The following ADAMTSL1 variants were observed in gnomAD, a reference collection of about 807,000 sequenced individuals.
ADAMTSL1 encodes ADAMTS like 1, also known as ADAMTS-like protein 1.
A neutral mutation model predicts 201.8 loss-of-function variants in ADAMTSL1; 126 were observed. The ratio of observed to expected loss-of-function variants is 0.62; its 90% CI spans 0.54 to 0.72. The LOEUF (loss-of-function observed/expected upper bound fraction) is 0.72, where lower values mean the gene tolerates loss of function less well. Ranked by LOEUF, ADAMTSL1 falls within the 30% of genes least tolerant of loss-of-function variation. ADAMTSL1 has a pLI of 0.00. For synonymous variants in ADAMTSL1, 1,121 were observed against 903.4 expected (o/e 1.24, Z -4.32); for missense variants, 2,679 against 2,277.8 (o/e 1.18, Z -3.59).
chr9:18,467,973 C>G (rs1426333092), intron 2 of ADAMTSL1, among the ~76,000 whole-genome samples: 1 of 152,186 alleles, frequency 6.6e-6, no homozygotes, highest in African/African-American at 2.4e-5. Context: ...GGAAATAGAA[C>G]TGAACTAGGA....
At chr9:18,720,722 G>A (rs1346940867) in intron 14 of ADAMTSL1, among the ~76,000 whole-genome samples, 1 of 152,188 alleles carries the variant, frequency 6.6e-6, no homozygotes, top group Non-Finnish European at 1.5e-5. Flanking sequence ...GGCAGAGGTT[G>A]CAGTGAGCTG....
At chr9:18,633,233 C>T (rs1826886602) in intron 5 of ADAMTSL1, among the ~76,000 whole-genome samples, 1 of 152,154 alleles carries the variant, frequency 6.6e-6, no homozygotes, top group African/African-American at 2.4e-5. Flanking sequence ...ATTGTTTTAA[C>T]TGCTTTGAGT....
At position 18,580,960 on chromosome 9, in the gene ADAMTSL1, A is replaced by ATT. The variant is rs137968583; in HGVS notation, c.474+6703_474+6704dup. ...CATCTGCTTGAATCATTTCAATTGC[A>ATT]TTTTTTTTTTGCCTTCAGGTTAAAA... On this transcript the variant is annotated intron_variant, in intron 4 of 28. Coordinates refer to ENST00000380548, the MANE Select transcript of ADAMTSL1 (RefSeq NM_001040272.6). 1.9e-3 allele frequency among the ~76,000 whole-genome samples: 285 copies of ATT among 147,544 alleles called. 11 individuals carry two copies. In the South Asian group the frequency reaches 0.04, roughly 21 times the overall value.
intron 14 of ADAMTSL1, among the ~76,000 whole-genome samples, chr9:18,708,432 C>T (rs766521493): frequency 9.3e-4 from 141 of 152,284 alleles, no homozygotes; most frequent in Non-Finnish European, 6.8e-4. Flanking sequence ...CAAATGATTC[C>T]GGAAGACAGT....
rs531786552 is a variant in ADAMTSL1 at position 18,910,716 on chromosome 9, T to G, written c.*2168T>G. 1.2e-4 allele frequency: 18 copies of G among 152,338 alleles called. No individual in the cohort carries two copies. The highest frequency in any genetic ancestry group is 4.3e-4 in the African/African-American group (18 of 41,564). The allele number at this position is 152,338 out of a possible 1,614,324, so 9.4% of individuals were successfully genotyped here. A position where few individuals can be genotyped will look rare whatever the true frequency, so the allele number is the denominator to read the frequency against. ...AAGCATCCTCCAGCTCCATGTTGGG[T>G]TGGAGCAGTTGGCAGTGGGTCTCAG... is the stretch of plus-strand genomic sequence containing the variant. On this transcript the variant is annotated 3_prime_UTR_variant, in exon 29 of 29. Transcript: ENST00000380548.
intron 17 of ADAMTSL1, among the ~76,000 whole-genome samples, chr9:18,771,449 C>T (rs370472675): frequency 1.3e-5 from 2 of 152,186 alleles, no homozygotes; most frequent in East Asian, 1.9e-4. Flanking sequence ...CTAATTCTAG[C>T]GTACGCCAAT....
chr9:18,173,170 T>G lies in ADAMTSL1; in HGVS notation c.207+9189T>G, dbSNP rs528076534. 3.3e-5 allele frequency among the ~76,000 whole-genome samples: 5 copies of G among 152,306 alleles called. No individual in the cohort carries two copies. The East Asian group carries it at 7.7e-4, about 24-fold the overall frequency. ...AATGACTGAGATATTTTATAATGCA[T>G]GTATAACAAAAACTTGGGATAATAT... On this transcript the variant is annotated intron_variant, in intron 2 of 29. Coordinates refer to the ADAMTSL1 transcript ENST00000680146.
At chr9:18,098,585 G>C (rs1337263594) in intron 1 of ADAMTSL1, among the ~76,000 whole-genome samples, 1 of 152,160 alleles carries the variant, frequency 6.6e-6, no homozygotes, top group African/African-American at 2.4e-5. Flanking sequence ...ATGCAAGTTT[G>C]CTAAATTAAC....
chr9:18,087,184 T>C (rs1346456312), intron 1 of ADAMTSL1, among the ~76,000 whole-genome samples: 3 of 152,180 alleles, frequency 2.0e-5, no homozygotes, highest in African/African-American at 7.2e-5. Flanking sequence ...TCATAACCTT[T>C]TCTTTTCTCC....
At chr9:18,892,316 C>T (rs925082848) in intron 25 of ADAMTSL1, 73 bp from the exon 26 acceptor site, 129 of 1,449,222 alleles carry the variant, frequency 8.9e-5, no homozygotes, top group South Asian at 6.4e-4. Context: ...GCAGGGATGT[C>T]GGTGGGGAGG....
intron 2 of ADAMTSL1, among the ~76,000 whole-genome samples, chr9:18,179,659 A>C (rs1264662567): frequency 8.5e-5 from 13 of 152,352 alleles, no homozygotes; most frequent in African/African-American, 2.6e-4. Flanking sequence ...GAAGCCCATC[A>C]GACTAACAGC....
At chr9:18,823,393 C>A (rs1200262567) in intron 21 of ADAMTSL1, among the ~76,000 whole-genome samples, 1 of 152,152 alleles carries the variant, frequency 6.6e-6, no homozygotes, top group Non-Finnish European at 1.5e-5. Context: ...TATATCCAGT[C>A]CTGTCCTCTC....
intron 4 of ADAMTSL1, among the ~76,000 whole-genome samples, chr9:18,584,217 G>A (rs1380263710): frequency 6.6e-6 from 1 of 152,104 alleles, no homozygotes; most frequent in Admixed American, 6.6e-5. Flanking sequence ...TTGAATTATG[G>A]GTGCAGGTCT....
intron 2 of ADAMTSL1, among the ~76,000 whole-genome samples, chr9:18,255,259 G>A (rs1227625563): frequency 6.6e-6 from 1 of 152,156 alleles, no homozygotes; most frequent in African/African-American, 2.4e-5. Flanking sequence ...CCACTAGGGG[G>A]CGCTGCCGCA....
At chr9:18,016,972 A>T (rs763786121) in intron 1 of ADAMTSL1, among the ~76,000 whole-genome samples, 35 of 152,178 alleles carry the variant, frequency 2.3e-4, no homozygotes, top group Non-Finnish European at 4.3e-4. Context: ...TGGATGGCAG[A>T]TACCTAGCAT....
intron 1 of ADAMTSL1, among the ~76,000 whole-genome samples, chr9:18,137,404 T>C (rs997587562): frequency 2.0e-5 from 3 of 152,166 alleles, no homozygotes; most frequent in Non-Finnish European, 4.4e-5. Context: ...CCTTCAATAT[T>C]CATCTTTGGA....
chr9:18,150,304 CA>C (rs1826852043), intron 1 of ADAMTSL1, among the ~76,000 whole-genome samples: 1 of 151,984 alleles, frequency 6.6e-6, no homozygotes, highest in Non-Finnish European at 1.5e-5. Context: ...AGACGGAAGA[CA>C]GTCTGAAGGG....
At chr9:17,948,413 TG>T (rs1449831256) in intron 1 of ADAMTSL1, among the ~76,000 whole-genome samples, 6 of 152,040 alleles carry the variant, frequency 3.9e-5, no homozygotes, top group African/African-American at 1.2e-4. Context: ...GGCATGTGAG[TG>T]GTTTGGGGAG....
chr9:17,908,526 G>A (rs759600632), intron 1 of ADAMTSL1, among the ~76,000 whole-genome samples: 1 of 151,736 alleles, frequency 6.6e-6, no homozygotes, highest in Admixed American at 6.6e-5. Flanking sequence ...GTGTGACCTC[G>A]GCTCACTGCA....
Sources: allele counts gnomAD v4.1 joint callset (sites outside exome capture counted in the v4.1 genomes callset), GRCh38; gene constraint gnomAD v4.1.1; transcripts MANE v1.5; gene names NCBI Gene and HGNC (gene_info 2026-07-23, HGNC 2026-07-21).